RBCK1: variants seen among roughly 807,000 people sequenced by gnomAD.
The protein encoded by RBCK1 is RANBP2-type and C3HC4-type zinc finger containing 1.
RBCK1 carries 44 observed loss-of-function variants against 71.1 expected under a neutral mutation model. The observed-to-expected ratio is 0.62, with a 90% CI of 0.49 to 0.80. RBCK1 has a LOEUF of 0.80. RBCK1 is among the 30% of genes least tolerant of loss of function. The pLI, the probability that RBCK1 is intolerant of heterozygous loss-of-function variation, is 0.00. For missense variants in RBCK1, 569 were observed against 685.0 expected, an observed-to-expected ratio of 0.83 and a Z score of 1.89; for synonymous variants, 306 against 279.7, an observed-to-expected ratio of 1.09 and a Z score of -0.94.
At position 408,329 on chromosome 20, in the gene RBCK1, C is replaced by T; in HGVS notation, c.-429C>T. ...CACTTTCTCTTCCGCCGAAGCCGCT[C>T]CCCTTGCGAAGAACTGGGGCCTCCC... On this transcript the variant is annotated 5_prime_UTR_variant, in exon 1 of 12. Transcript: ENST00000356286. 1 of 211,480 alleles carries T rather than the reference C, an allele frequency of 4.7e-6. No individual in the cohort carries two copies. 13.1% of individuals were successfully genotyped at this position (211,480 alleles called of 1,614,324 possible).
Position 420,962 on chromosome 20 carries a change from C to A in RBCK1, c.848C>A (p.Pro283His). 1 of 1,560,528 alleles carries A rather than the reference C, an allele frequency of 6.4e-7. No homozygotes were observed. Among genetic ancestry groups the A allele is most frequent in the Non-Finnish European group, 8.7e-7 (1 of 1,153,732 alleles). ...CTGAACACGGAGCCCGCCGAGTGCC[C>A]CGTGTGCTACTCGGTGCTGGCGCCC... ...LVLNTEPAEC[P>H]VCYSVLAPGE... The change falls in exon 7 of 12, where the codon CCC (proline) becomes CAC (histidine). Residue 283 changes from proline to histidine, a missense_variant. Pro to His is a moderately conservative substitution (Grantham distance 77). This residue lies in a region of RBCK1 where 211 missense variants were observed against 309.4 expected (regional missense o/e 0.68). Transcript: ENST00000356286.
intron 8 of RBCK1, among the ~76,000 whole-genome samples, chr20:423,625 G>A (rs962325400): frequency 4.6e-5 from 7 of 152,160 alleles, no homozygotes; most frequent in African/African-American, 1.7e-4. Flanking sequence ...TGTATGGGAG[G>A]ATGTTGGTAG....
At chr20:418,470 G>T (rs976084818) in intron 4 of RBCK1, among the ~76,000 whole-genome samples, 1 of 152,042 alleles carries the variant, frequency 6.6e-6, no homozygotes, top group Non-Finnish European at 1.5e-5. Context: ...CCGGGTTCAC[G>T]CCATTCTCCT....
At position 414,637 on chromosome 20, in the gene RBCK1, G is replaced by A. The variant is rs151054127; in HGVS notation, c.168-2889G>A. 9.3e-4 allele frequency among the ~76,000 whole-genome samples: 142 copies of A among 152,210 alleles called. No homozygotes were observed. In the Middle Eastern group the frequency reaches 0.024, roughly 26 times the overall value. ...AATTTTGTTTTCTAACATAATTAAG[G>A]CCTTTATGCTTTGCCTCTAGGTTGA... On this transcript the variant is annotated intron_variant, in intron 2 of 11. Transcript: ENST00000356286.
At chr20:418,469 C>G (rs889883421) in intron 4 of RBCK1, among the ~76,000 whole-genome samples, 1 of 152,064 alleles carries the variant, frequency 6.6e-6, no homozygotes, top group Non-Finnish European at 1.5e-5. Flanking sequence ...CCCGGGTTCA[C>G]GCCATTCTCC....
In RBCK1 at chr20:417,422, TGC is replaced by T; in HGVS notation, c.168-103_168-102del. The T allele has an allele frequency of 1.1e-6, 1 of 875,290 alleles. No individual in the cohort carries two copies. The highest frequency in any genetic ancestry group is 2.5e-5 in the East Asian group (1 of 39,260). 54.2% of individuals were successfully genotyped at this position (875,290 alleles called of 1,614,324 possible). A position where few individuals can be genotyped will look rare whatever the true frequency, so the allele number is the denominator to read the frequency against. On this transcript the variant is annotated intron_variant, in intron 2 of 11. Transcript: ENST00000356286. The surrounding 1 kb of genome is among the most constrained non-coding windows in gnomAD (Gnocchi z 4.7). Reference sequence around the variant, plus strand: ...GTGTGTGTGTGTGTGTGTGTGTGTGTGCATGGCCATGTGCCTGTGTGCAAATA... The same window carrying T: ...GTGTGTGTGTGTGTGTGTGTGTGTGTATGGCCATGTGCCTGTGTGCAAATA...
At chr20:415,702 C>T (rs559975058) in intron 2 of RBCK1, among the ~76,000 whole-genome samples, 1 of 152,254 alleles carries the variant, frequency 6.6e-6, no homozygotes, top group East Asian at 1.9e-4. Flanking sequence ...AGCATTGCTA[C>T]AAAGAAATAT....
intron 4 of RBCK1, among the ~76,000 whole-genome samples, chr20:418,412 A>T (rs1210581696): frequency 6.6e-6 from 1 of 151,700 alleles, no homozygotes; most frequent in African/African-American, 2.4e-5. Flanking sequence ...TCTGTCGCCC[A>T]GGCTGGAGTG....
intron 6 of RBCK1, chr20:420,304 C>T: frequency 2.0e-6 from 2 of 984,926 alleles, no homozygotes; most frequent in Non-Finnish European, 2.4e-6. Context: ...CATCGTGACA[C>T]ACGCACTAAT....
chr20:418,759 TC>T (rs2016180877), intron 4 of RBCK1, among the ~76,000 whole-genome samples: 1 of 152,232 alleles, frequency 6.6e-6, no homozygotes, highest in Non-Finnish European at 1.5e-5. Flanking sequence ...GATGTCTCTT[TC>T]CCCTAAATAA....
chr20:408,946 C>T (rs2015536776), intron 1 of RBCK1, among the ~76,000 whole-genome samples, 167 bp downstream of exon 1: 1 of 152,228 alleles, frequency 6.6e-6, no homozygotes. Context: ...GCTTCCAGAG[C>T]CATCTTGGGG....
In RBCK1 at chr20:408,686, C is replaced by T. The variant is rs561010669; in HGVS notation, c.-72C>T. 119 of 1,591,706 alleles carry T rather than the reference C, an allele frequency of 7.5e-5. 2 individuals are homozygous for T. The South Asian group carries it at 1.3e-3, about 18-fold the overall frequency. ...GAGTTGCTCCTGGTCTCCCGCCTCT[C>T]CCAGGCGACCCGGAGGTAGCATTTC... On this transcript the variant is annotated 5_prime_UTR_variant, in exon 1 of 12. Transcript: ENST00000356286.
In RBCK1 at chr20:417,647, G is replaced by A. The variant is rs1281984358; in HGVS notation, c.261+28G>A. 1.2e-6 allele frequency: 2 copies of A among 1,609,122 alleles called. No homozygotes were observed. Among genetic ancestry groups the A allele is most frequent in the Non-Finnish European group, 8.5e-7 (1 of 1,175,878 alleles). ...GAGTGAGGAGGCGGAGGGCGACACT[G>A]GGGTGAAGGCTCTCCCTTTCACTCC... On this transcript the variant is annotated intron_variant, in intron 3 of 11. Coordinates refer to ENST00000356286, the MANE Select transcript of RBCK1 (RefSeq NM_031229.4). The surrounding 1 kb of genome is among the most constrained non-coding windows in gnomAD (Gnocchi z 4.7).
chr20:416,599 G>A (rs1167119145), intron 2 of RBCK1, among the ~76,000 whole-genome samples: 2 of 152,166 alleles, frequency 1.3e-5, no homozygotes, highest in Admixed American at 1.3e-4. Context: ...TTCCTTTGGG[G>A]TCGGTTCTGT....
In RBCK1 at chr20:421,744, G is replaced by A. The variant is rs142740447; in HGVS notation, c.918-383G>A. 3.1e-4 allele frequency among the ~76,000 whole-genome samples: 47 copies of A among 152,248 alleles called. 1 individual carries two copies. Among genetic ancestry groups the A allele is most frequent in the African/African-American group, 1.1e-3 (45 of 41,540 alleles). On this transcript the variant is annotated intron_variant, in intron 7 of 11. Coordinates refer to ENST00000356286, the MANE Select transcript of RBCK1 (RefSeq NM_031229.4). ...TGAAGGGGGTAATCAGAGCAGGATA[G>A]AGAGGTGTTGGGTACGTGAGCAGCA...
chr20:410,814 T>C (rs1267970287), intron 2 of RBCK1: 1 of 387,412 alleles, frequency 2.6e-6, no homozygotes, highest in East Asian at 4.0e-5. Context: ...AGTTTTATGG[T>C]TTCTGATTTT....
In RBCK1 at chr20:431,370, G is replaced by A. The variant is rs1202056042; in HGVS notation, c.*940G>A. 3.3e-5 allele frequency among the ~76,000 whole-genome samples: 5 copies of A among 152,110 alleles called. No individual in the cohort carries two copies. Among genetic ancestry groups the A allele is most frequent in the East Asian group, 3.9e-4 (2 of 5,184 alleles). On this transcript the variant is annotated 3_prime_UTR_variant, in exon 12 of 12. Coordinates refer to ENST00000356286, the MANE Select transcript of RBCK1 (RefSeq NM_031229.4). The surrounding 1 kb of genome is among the most constrained non-coding windows in gnomAD (Gnocchi z 4.8). ...GTGGGGTTGTCCATCCTATTTTCTC[G>A]TCTCAAGCAAGATGGCACAGTATCG...
chr20:411,231 A>G (rs192317901), intron 2 of RBCK1, among the ~76,000 whole-genome samples: 177 of 149,224 alleles, frequency 1.2e-3, no homozygotes, highest in African/African-American at 4.3e-3. Context: ...TTTTTTTGAC[A>G]TGGGGTCTCT....
intron 2 of RBCK1, among the ~76,000 whole-genome samples, chr20:415,951 A>G (rs2015959373): frequency 6.6e-6 from 1 of 152,184 alleles, no homozygotes; most frequent in Non-Finnish European, 1.5e-5. Context: ...AAGTCACTAC[A>G]GTGAGCGCAG....
Sources: gnomAD v4.1 joint callset for allele counts (sites outside exome capture counted in the v4.1 genomes callset) on GRCh38, gnomAD v4.1.1 for gene constraint, gnomAD v4.1.1 regional missense constraint, Gnocchi (gnomAD v3.1) non-coding constraint, MANE v1.5 for transcripts, NCBI Gene and HGNC (gene_info 2026-07-23, HGNC 2026-07-21) for gene names.